TCF4: variants seen among roughly 807,000 people sequenced by gnomAD.
TCF4 encodes the protein transcription factor 4.
In TCF4, 3 loss-of-function variants were observed where a neutral mutation model predicts 82.1. The ratio of observed to expected loss-of-function variants is 0.04; its 90% CI spans 0.02 to 0.09. The LOEUF is 0.09. Ranked by LOEUF, TCF4 falls within the 10% of genes least tolerant of loss-of-function variation. The probability of loss-of-function intolerance (pLI) is 1.00; values close to 1 mark genes in which losing one functional copy is unlikely to be tolerated. For synonymous variants in TCF4, 276 were observed against 309.6 expected (o/e 0.89, Z 1.14); for missense variants, 518 against 852.7 (o/e 0.61, Z 4.89).
At chr18:55,368,313 G>A (rs1056212393) in intron 6 of TCF4, among the ~76,000 whole-genome samples, 6 of 152,140 alleles carry the variant, frequency 3.9e-5, no homozygotes, top group Admixed American at 1.3e-4. Context: ...CCCAGGAGGC[G>A]GAGGTTGCAG....
intron 3 of TCF4, among the ~76,000 whole-genome samples, chr18:55,571,834 C>T (rs1480988598): frequency 6.7e-6 from 1 of 149,240 alleles, no homozygotes; most frequent in Admixed American, 6.6e-5. Context: ...CAACCCATCC[C>T]CAGCTCTGTC....
chr18:55,633,814 T>C lies in TCF4; in HGVS notation c.195+1889A>G, dbSNP rs2097733647. 6.6e-6 allele frequency among the ~76,000 whole-genome samples: 1 copy of C among 152,050 alleles called. No homozygotes were observed. Among genetic ancestry groups the C allele is most frequent in the Non-Finnish European group, 1.5e-5 (1 of 68,032 alleles). The stretch of plus-strand genomic sequence containing the variant: ...AAGTAGGTCTGTGGGCTATAGTTTG[T>C]CAACCCTTGATATAGAGCATAGCCA... On this transcript the variant is annotated intron_variant, in intron 1 of 20. Transcript: ENST00000398339. The surrounding 1 kb of genome is among the most constrained non-coding windows in gnomAD (Gnocchi z 4.0).
intron 3 of TCF4, among the ~76,000 whole-genome samples, chr18:55,519,570 A>G (rs1263965329): frequency 1.3e-5 from 2 of 152,194 alleles, no homozygotes; most frequent in Non-Finnish European, 2.9e-5. Flanking sequence ...GAGAAATATA[A>G]TAAAAATAAT....
rs551312157 is a variant in TCF4 at position 55,459,255 on chromosome 18, T to C, written c.304+1764A>G. Reference sequence around the variant, plus strand: ...TCTCCGCTCTAGACTGTCAGGCCACTTATATTTTAAATACTATTTGGGTTG... The same window carrying C: ...TCTCCGCTCTAGACTGTCAGGCCACCTATATTTTAAATACTATTTGGGTTG... On this transcript the variant is annotated intron_variant, in intron 5 of 19. Coordinates refer to ENST00000354452, the MANE Select transcript of TCF4 (RefSeq NM_001083962.2). Among the ~76,000 whole-genome samples the C allele has an allele frequency of 8.5e-5, 13 of 152,336 alleles. No homozygotes were observed. In the East Asian group the frequency reaches 1.3e-3, roughly 16 times the overall value.
intron 5 of TCF4, among the ~76,000 whole-genome samples, chr18:55,425,225 A>G (rs752556073): frequency 6.6e-6 from 1 of 152,240 alleles, no homozygotes; most frequent in Non-Finnish European, 1.5e-5. Context: ...TTACAGGCAA[A>G]GGCAATTTTA....
chr18:55,601,402 A>G (rs1180708875), intron 2 of TCF4, among the ~76,000 whole-genome samples: 1 of 152,082 alleles, frequency 6.6e-6, no homozygotes, highest in African/African-American at 2.4e-5. Context: ...AGGAACTTAA[A>G]AGGTCTTTCT....
chr18:55,419,568 C>T (rs1173192102), intron 5 of TCF4, among the ~76,000 whole-genome samples: 1 of 152,000 alleles, frequency 6.6e-6, no homozygotes, highest in Admixed American at 6.6e-5. Context: ...ATACAGATTC[C>T]AGAGTGACCC....
At chr18:55,235,776 T>A (rs1568354565) in intron 15 of TCF4, among the ~76,000 whole-genome samples, 1 of 152,040 alleles carries the variant, frequency 6.6e-6, no homozygotes, top group Non-Finnish European at 1.5e-5. Context: ...ACACAAAAAA[T>A]TAACCATACA....
At chr18:55,297,978 T>C (rs60357769) in intron 8 of TCF4, among the ~76,000 whole-genome samples, 5,494 of 152,234 alleles carry the variant, frequency 0.036, 316 homozygotes, top group African/African-American at 0.13. Context: ...GTCTTGAATG[T>C]AGTAATATTT....
intron 8 of TCF4, among the ~76,000 whole-genome samples, chr18:55,311,271 A>T (rs1455117541): frequency 1.3e-5 from 2 of 152,248 alleles, no homozygotes; most frequent in Non-Finnish European, 2.9e-5. Flanking sequence ...TTATTATGAC[A>T]TTATTTAATT....
At chr18:55,570,930 C>G (rs1266041406) in intron 3 of TCF4, among the ~76,000 whole-genome samples, 1 of 150,178 alleles carries the variant, frequency 6.7e-6, no homozygotes, top group African/African-American at 2.4e-5. Flanking sequence ...GATACATTTT[C>G]TATTTTATAC....
rs777322827 is a variant in TCF4 at position 55,224,905 on chromosome 18, G to C, written c.*3130C>G. On this transcript the variant is annotated 3_prime_UTR_variant, in exon 20 of 20. Coordinates refer to ENST00000354452, the MANE Select transcript of TCF4 (RefSeq NM_001083962.2). ...GAAAGAGATCCCCAGCCTAAGTGTCGTCATACAGATAGCGTAGTATGGACC... is the reference window on the plus strand; with the variant it reads ...GAAAGAGATCCCCAGCCTAAGTGTCCTCATACAGATAGCGTAGTATGGACC... The C allele has an allele frequency of 6.6e-6, 1 of 152,416 alleles. No homozygotes were observed. Among genetic ancestry groups the C allele is most frequent in the African/African-American group, 2.4e-5 (1 of 41,402 alleles). The allele number at this position is 152,416 out of a possible 1,614,324, so 9.4% of individuals were successfully genotyped here.
In TCF4 at chr18:55,403,480, C is replaced by G. The variant is rs867124521; in HGVS notation, c.343G>C (p.Glu115Gln). 6.8e-6 allele frequency: 11 copies of G among 1,613,866 alleles called. No individual in the cohort carries two copies. Among genetic ancestry groups the G allele is most frequent in the Non-Finnish European group, 7.6e-6 (9 of 1,179,822 alleles). Residue 115 changes from glutamate to glutamine, a missense_variant, in exon 6 of 20, where the codon GAA (glutamate) becomes CAA (glutamine). This residue lies in a region of TCF4 where 80 missense variants were observed against 93.8 expected (regional missense o/e 0.85). Transcript: ENST00000354452. ...ERGSYSSYGR[E>Q]SNLQGCHQQS... ...TGGTGGCAACCCTGTAAGTTTGATT[C>G]TCTCCCATAAGATGAGTATGAGCCC...
chr18:55,305,838 T>C (rs971615447), intron 8 of TCF4, among the ~76,000 whole-genome samples: 6 of 152,226 alleles, frequency 3.9e-5, no homozygotes, highest in Non-Finnish European at 8.8e-5. Flanking sequence ...GTTTCCATAC[T>C]GATAGGATAA....
At chr18:55,477,637 G>A (rs17089836) in intron 3 of TCF4, among the ~76,000 whole-genome samples, 4,865 of 152,254 alleles carry the variant, frequency 0.032, 248 homozygotes, top group African/African-American at 0.11. Context: ...AAACGCCCAG[G>A]ACTTTGCTAG....
At chr18:55,545,920 AT>A (rs1016147694) in intron 3 of TCF4, among the ~76,000 whole-genome samples, 2 of 152,110 alleles carry the variant, frequency 1.3e-5, no homozygotes, top group South Asian at 2.1e-4. Flanking sequence ...AGGTTCTGGT[AT>A]TTTTTTCCCC....
At chr18:55,394,344 G>A (rs182619804) in intron 6 of TCF4, among the ~76,000 whole-genome samples, 19 of 152,202 alleles carry the variant, frequency 1.2e-4, no homozygotes, top group African/African-American at 2.6e-4. Flanking sequence ...TAATTATTCC[G>A]AAGCACGGAA....
intron 15 of TCF4, among the ~76,000 whole-genome samples, chr18:55,249,842 T>G (rs918609839): frequency 7.9e-5 from 12 of 152,170 alleles, no homozygotes; most frequent in African/African-American, 2.9e-4. Flanking sequence ...AAGACAAGTT[T>G]GATGTGGGTT....
At chr18:55,446,043 T>C (rs1048352333) in intron 5 of TCF4, among the ~76,000 whole-genome samples, 2 of 152,152 alleles carry the variant, frequency 1.3e-5, no homozygotes, top group African/African-American at 4.8e-5. Context: ...AGAATCCTGC[T>C]CAAGGCCACC....
Sources: allele counts gnomAD v4.1 joint callset (sites outside exome capture counted in the v4.1 genomes callset), GRCh38; gene constraint gnomAD v4.1.1; regional missense constraint gnomAD v4.1.1; non-coding constraint Gnocchi (gnomAD v3.1); transcripts MANE v1.5; gene names NCBI Gene and HGNC (gene_info 2026-07-23, HGNC 2026-07-21).